The following FRMD5 variants were observed in gnomAD, a reference collection of about 807,000 sequenced individuals.
FRMD5 encodes the protein FERM domain-containing protein 5.
FRMD5 carries 20 observed loss-of-function variants against 69.0 expected under a neutral mutation model. That is an observed-to-expected ratio of 0.29 (90% CI 0.20 to 0.42). The LOEUF is 0.42. FRMD5 is among the 10% of genes least tolerant of loss of function. The pLI is 1.00. For synonymous variants in FRMD5, 271 were observed against 260.1 expected (o/e 1.04, Z -0.40); for missense variants, 595 against 708.6 (o/e 0.84, Z 1.82).
chr15:44,197,651 A>G (rs1007818969), upstream of FRMD5, among the ~76,000 whole-genome samples: 14 of 145,048 alleles, frequency 9.7e-5, no homozygotes, highest in Non-Finnish European at 1.8e-4. Context: ...ACTGCACTCC[A>G]GCCTGGGAGA....
intron 1 of FRMD5, among the ~76,000 whole-genome samples, chr15:43,973,379 T>C (rs963154907): frequency 2.6e-5 from 4 of 151,712 alleles, no homozygotes; most frequent in Non-Finnish European, 5.9e-5. Context: ...TTTTTTTTTT[T>C]TTTTGAGACA....
intron 8 of FRMD5, among the ~76,000 whole-genome samples, chr15:43,891,069 C>A (rs1452957051): frequency 6.6e-6 from 1 of 152,186 alleles, no homozygotes; most frequent in Non-Finnish European, 1.5e-5. Context: ...CTTATCTAAG[C>A]CCCTAGAAGG....
intron 1 of FRMD5, among the ~76,000 whole-genome samples, chr15:44,072,096 C>A (rs1334367578): frequency 6.6e-6 from 1 of 152,196 alleles, no homozygotes; most frequent in African/African-American, 2.4e-5. Flanking sequence ...TAACTCTTGA[C>A]CTCAGGTGAT....
intron 1 of FRMD5, among the ~76,000 whole-genome samples, chr15:44,190,867 T>C (rs994104360): frequency 6.6e-6 from 1 of 152,250 alleles, no homozygotes; most frequent in African/African-American, 2.4e-5. Context: ...TGATAATTCT[T>C]AGGGTTTATG....
chr15:43,990,680 G>A (rs1412382273), intron 1 of FRMD5, among the ~76,000 whole-genome samples: 1 of 152,152 alleles, frequency 6.6e-6, no homozygotes, highest in Non-Finnish European at 1.5e-5. Context: ...TATTTCTACA[G>A]CACTGGGTCC....
intron 1 of FRMD5, among the ~76,000 whole-genome samples, chr15:44,028,817 C>A (rs1343659937): frequency 3.3e-5 from 5 of 152,102 alleles, no homozygotes; most frequent in Non-Finnish European, 7.4e-5. Flanking sequence ...CACCTATGGC[C>A]ATCATTTATG....
At chr15:43,903,546 G>A (rs1566824901) in intron 6 of FRMD5, among the ~76,000 whole-genome samples, 1 of 152,208 alleles carries the variant, frequency 6.6e-6, no homozygotes, top group African/African-American at 2.4e-5. Flanking sequence ...GACGAGGCAG[G>A]ACCTATGGAA....
At chr15:44,030,215 A>G (rs1273010035) in intron 1 of FRMD5, among the ~76,000 whole-genome samples, 4 of 151,954 alleles carry the variant, frequency 2.6e-5, no homozygotes, top group African/African-American at 9.7e-5. Flanking sequence ...TACAAAATTA[A>G]TTTTTGTTGA....
chr15:43,996,503 T>C (rs781392877), intron 1 of FRMD5, among the ~76,000 whole-genome samples: 2 of 152,184 alleles, frequency 1.3e-5, no homozygotes, highest in African/African-American at 2.4e-5. Flanking sequence ...ACCTCATTGC[T>C]GTACTCCCTC....
chr15:43,987,553 AT>A (rs1889453927), intron 1 of FRMD5, among the ~76,000 whole-genome samples: 1 of 151,960 alleles, frequency 6.6e-6, no homozygotes, highest in Admixed American at 6.6e-5. Context: ...TATTTCTATT[AT>A]TACTTTTTTT....
intron 1 of FRMD5, among the ~76,000 whole-genome samples, chr15:44,090,173 C>A (rs190695623): frequency 2.0e-5 from 3 of 152,178 alleles, no homozygotes; most frequent in South Asian, 2.1e-4. Flanking sequence ...TTAGACACAC[C>A]AGGGTACAAT....
chr15:43,973,818 C>T (rs949205231), intron 1 of FRMD5, among the ~76,000 whole-genome samples: 1 of 150,738 alleles, frequency 6.6e-6, no homozygotes, highest in Non-Finnish European at 1.5e-5. Context: ...ACTTATATAC[C>T]ATTGGCTTAT....
Position 43,909,920 on chromosome 15 carries a change from G to A in FRMD5, c.389C>T (p.Thr130Ile). Residue 130 changes from threonine (T) to isoleucine (I), a missense_variant, in exon 5 of 14, where the codon ACA becomes ATA. By Grantham distance (89) the Thr-to-Ile change is moderately conservative (BLOSUM62 -1). Around this residue, in one of 5 missense-constraint regions of FRMD5, gnomAD observed 79 missense variants for 139.9 expected, o/e 0.56. Transcript: ENST00000417257. ...DLYHGRLLCKTSDAALLAAYI... is the reference protein window; with the variant it reads ...DLYHGRLLCKISDAALLAAYI... ...AGCTGCTAACAAGGCAGCATCCGAT[G>A]TTTTACAGAGGAGTCGGCCATGGTA... 2 of 1,613,328 alleles carry A rather than the reference G, an allele frequency of 1.2e-6. No homozygotes were observed. Among genetic ancestry groups the A allele is most frequent in the South Asian group, 2.2e-5 (2 of 91,004 alleles).
At chr15:44,045,703 T>C (rs1360516526) in intron 1 of FRMD5, among the ~76,000 whole-genome samples, 1 of 152,136 alleles carries the variant, frequency 6.6e-6, no homozygotes, top group Non-Finnish European at 1.5e-5. Context: ...AGAAAGGGCA[T>C]TCAGAGTGTA....
intron 1 of FRMD5, among the ~76,000 whole-genome samples, chr15:44,009,470 A>T (rs563426609): frequency 2.4e-4 from 37 of 152,310 alleles, no homozygotes; most frequent in Admixed American, 1.2e-3. Context: ...GCTTGATCCC[A>T]GGAGTGTGAG....
At chr15:43,884,522 G>T (rs185578786) in intron 12 of FRMD5, among the ~76,000 whole-genome samples, 9 of 152,294 alleles carry the variant, frequency 5.9e-5, no homozygotes, top group African/African-American at 1.9e-4. Context: ...TGTACTATCT[G>T]CAGTAGCCCT....
intron 1 of FRMD5, among the ~76,000 whole-genome samples, chr15:44,086,644 A>G (rs1894208365): frequency 6.6e-6 from 1 of 152,148 alleles, no homozygotes; most frequent in African/African-American, 2.4e-5. Flanking sequence ...GTTACATAAC[A>G]CTGTAAATGT....
intron 1 of FRMD5, among the ~76,000 whole-genome samples, chr15:44,015,831 A>C (rs1305312616): frequency 6.6e-6 from 1 of 152,264 alleles, no homozygotes; most frequent in African/African-American, 2.4e-5. Context: ...CCAGTATTCA[A>C]GGATCAGAGT....
At chr15:43,957,518 T>C (rs991005244) in intron 1 of FRMD5, among the ~76,000 whole-genome samples, 31 of 152,258 alleles carry the variant, frequency 2.0e-4, no homozygotes, top group Non-Finnish European at 2.5e-4. Context: ...TCTAGTTAGT[T>C]AGGTGGCTAG....
Sources: allele counts gnomAD v4.1 joint callset (sites outside exome capture counted in the v4.1 genomes callset), GRCh38; gene constraint gnomAD v4.1.1; regional missense constraint gnomAD v4.1.1; transcripts MANE v1.5; gene names NCBI Gene and HGNC (gene_info 2026-07-23, HGNC 2026-07-21).